Variants in PDE4D observed in about 807,000 individuals in gnomAD.
The protein encoded by PDE4D is phosphodiesterase 4D.
A neutral mutation model predicts 87.4 loss-of-function variants in PDE4D; 24 were observed. That is an observed-to-expected ratio of 0.27 (90% confidence interval 0.20 to 0.39). The LOEUF (loss-of-function observed/expected upper bound fraction) is 0.39, where lower values mean the gene tolerates loss of function less well. Ranked by LOEUF, PDE4D falls within the 10% of genes least tolerant of loss-of-function variation. PDE4D has a pLI of 1.00. For synonymous variants in PDE4D, 384 were observed against 383.2 expected, an observed-to-expected ratio of 1.00 and a Z score of -0.02; for missense variants, 714 against 1,041.0, an observed-to-expected ratio of 0.69 and a Z score of 4.32.
At chr5:59,991,888 A>G (rs1021836623) in intron 2 of PDE4D, among the ~76,000 whole-genome samples, 2 of 152,188 alleles carry the variant, frequency 1.3e-5, no homozygotes, top group Admixed American at 1.3e-4. Flanking sequence ...TGAAGGATAC[A>G]AAGTATTGTT....
chr5:59,762,985 G>C lies in PDE4D; in HGVS notation c.455+130183C>G, dbSNP rs538336595. Among the ~76,000 whole-genome samples the C allele has an allele frequency of 4.8e-5, 7 of 147,282 alleles. No homozygotes were observed. The East Asian group carries it at 1.4e-3, about 29-fold the overall frequency. On this transcript the variant is annotated intron_variant, in intron 1 of 14. Coordinates refer to ENST00000340635, the MANE Select transcript of PDE4D (RefSeq NM_001104631.2). ...TATAAAATGGTAAACACACAAACAG[G>C]ACACATACATATGAAGTTAAAAGAC...
In PDE4D at chr5:59,858,935, G is replaced by A. The variant is rs190999273; in HGVS notation, c.455+34233C>T. Among the ~76,000 whole-genome samples, 5 of 152,174 alleles carry A rather than the reference G, an allele frequency of 3.3e-5. No homozygotes were observed. The East Asian group carries it at 5.8e-4, about 18-fold the overall frequency. ...GACTCTCACGGAGGAACTACTATAC[G>A]CTGGTTGATATTGAATAGAGGCTCC... On this transcript the variant is annotated intron_variant, in intron 1 of 14. Transcript: ENST00000340635.
chr5:59,413,892 T>G (rs1334679657), intron 1 of PDE4D, among the ~76,000 whole-genome samples: 1 of 152,170 alleles, frequency 6.6e-6, no homozygotes, highest in Non-Finnish European at 1.5e-5. Flanking sequence ...CTCTCTCCCT[T>G]GATATCTACA....
At chr5:59,751,561 C>T (rs1346177671) in intron 1 of PDE4D, among the ~76,000 whole-genome samples, 1 of 134,362 alleles carries the variant, frequency 7.4e-6, no homozygotes, top group African/African-American at 3.0e-5. Flanking sequence ...TTCTTTTATA[C>T]ATATAAATCC....
At chr5:60,130,490 T>A (rs1582799041) in intron 2 of PDE4D, among the ~76,000 whole-genome samples, 1 of 152,306 alleles carries the variant, frequency 6.6e-6, no homozygotes, top group Middle Eastern at 3.4e-3. Context: ...GAGATTAGAT[T>A]TCTAAGACAG....
intron 2 of PDE4D, among the ~76,000 whole-genome samples, chr5:60,082,973 C>T (rs942984722): frequency 2.0e-5 from 3 of 152,174 alleles, no homozygotes; most frequent in African/African-American, 7.2e-5. Context: ...AAAACCTCTC[C>T]TCCCTCCATC....
At position 60,423,209 on chromosome 5, in the gene PDE4D, A is replaced by C. The variant is rs190290854; in HGVS notation, c.-90+64733T>G. On this transcript the variant is annotated intron_variant, in intron 1 of 16. Coordinates refer to the PDE4D transcript ENST00000502484. ...ACAAGCGGGCCTAATAGACATCTAC[A>C]GAACTCTCCACCCCAAATCTACAGA... Among the ~76,000 whole-genome samples, 228 of 152,362 alleles carry C rather than the reference A, an allele frequency of 1.5e-3. 1 individual carries two copies. Among genetic ancestry groups the C allele is most frequent in the African/African-American group, 5.3e-3 (221 of 41,582 alleles).
intron 1 of PDE4D, among the ~76,000 whole-genome samples, chr5:60,414,825 T>C (rs1742346225): frequency 6.6e-6 from 1 of 152,242 alleles, no homozygotes; most frequent in Non-Finnish European, 1.5e-5. Flanking sequence ...AGCCTTCACT[T>C]ACCTATCTAA....
intron 6 of PDE4D, among the ~76,000 whole-genome samples, chr5:59,005,187 TAC>T (rs1751358241): frequency 1.3e-5 from 2 of 152,176 alleles, no homozygotes; most frequent in African/African-American, 2.4e-5. Context: ...GAAACACACA[TAC>T]AGTTTCCCTT....
At position 60,516,727 on chromosome 5, in the gene PDE4D, C is replaced by A. The variant is rs145200839; in HGVS notation, n.70+5324G>T. Among the ~76,000 whole-genome samples, 220 of 152,330 alleles carry A rather than the reference C, an allele frequency of 1.4e-3. 1 individual carries two copies. The highest frequency in any genetic ancestry group is 5.1e-3 in the African/African-American group (214 of 41,572). ...ATGTTATGCCAGACATTGTTCCCAG[C>A]ATTTTACATGGATTAACTCATTTAA... On this transcript the variant is annotated intron_variant and non_coding_transcript_variant, in intron 1 of 2. Transcript: ENST00000506510.
intron 5 of PDE4D, among the ~76,000 whole-genome samples, chr5:59,163,099 C>T (rs1171957279): frequency 2.8e-5 from 4 of 143,336 alleles, no homozygotes; most frequent in Admixed American, 1.4e-4. Context: ...TGCCTCCATG[C>T]CTGGCTACTT....
intron 3 of PDE4D, among the ~76,000 whole-genome samples, chr5:59,967,359 A>G (rs1191043284): frequency 1.3e-5 from 2 of 152,190 alleles, no homozygotes; most frequent in Non-Finnish European, 2.9e-5. Context: ...TTTGCAAACT[A>G]TGCATATGAC....
intron 1 of PDE4D, among the ~76,000 whole-genome samples, chr5:59,496,500 C>T (rs1807225107): frequency 6.6e-6 from 1 of 152,162 alleles, no homozygotes; most frequent in Non-Finnish European, 1.5e-5. Context: ...TACATATCAA[C>T]TACTGGGTTC....
chr5:60,517,726 G>A (rs1750865930), intron 1 of PDE4D, among the ~76,000 whole-genome samples: 1 of 152,148 alleles, frequency 6.6e-6, no homozygotes, highest in Admixed American at 6.5e-5. Context: ...AGGTCTCCTG[G>A]GAGCTGTACC....
At chr5:59,768,996 C>T (rs1763170015) in intron 1 of PDE4D, among the ~76,000 whole-genome samples, 1 of 152,134 alleles carries the variant, frequency 6.6e-6, no homozygotes, top group African/African-American at 2.4e-5. Flanking sequence ...TGAACTTGAC[C>T]TTCCTCTCCC....
At chr5:59,059,786 T>C (rs916088986) in intron 5 of PDE4D, among the ~76,000 whole-genome samples, 7 of 152,194 alleles carry the variant, frequency 4.6e-5, no homozygotes, top group Non-Finnish European at 8.8e-5. Flanking sequence ...GATTATACTA[T>C]ACATTACCTT....
At chr5:59,836,294 T>G (rs951640177) in intron 1 of PDE4D, among the ~76,000 whole-genome samples, 1 of 152,070 alleles carries the variant, frequency 6.6e-6, no homozygotes, top group African/African-American at 2.4e-5. Context: ...TTTCTGATAT[T>G]ATTATTTTCC....
At chr5:60,439,001 A>T (rs1330948284) in intron 1 of PDE4D, among the ~76,000 whole-genome samples, 1 of 152,128 alleles carries the variant, frequency 6.6e-6, no homozygotes, top group African/African-American at 2.4e-5. Context: ...GAGATAGGAA[A>T]AGGTTGAGAC....
intron 2 of PDE4D, among the ~76,000 whole-genome samples, chr5:60,082,118 T>C (rs1460051907): frequency 6.6e-6 from 1 of 152,160 alleles, no homozygotes; most frequent in East Asian, 1.9e-4. Context: ...CCTCACCCTC[T>C]ATGTTAGGGA....
Sources: allele counts gnomAD v4.1 joint callset (sites outside exome capture counted in the v4.1 genomes callset), GRCh38; gene constraint gnomAD v4.1.1; transcripts MANE v1.5; gene names NCBI Gene and HGNC (gene_info 2026-07-23, HGNC 2026-07-21).